The following PSD3 variants were observed in gnomAD, a reference collection of about 807,000 sequenced individuals.
PSD3 encodes the protein pleckstrin and Sec7 domain containing 3.
PSD3 carries 49 observed loss-of-function variants against 105.5 expected under a neutral mutation model. The observed-to-expected ratio is 0.46, with a 90% CI of 0.37 to 0.59. The LOEUF (loss-of-function observed/expected upper bound fraction) is 0.59, where lower values mean the gene tolerates loss of function less well. Among genes scored for constraint, PSD3 ranks in the 20% least tolerant of loss-of-function variants. The pLI, the probability that PSD3 is intolerant of heterozygous loss-of-function variation, is 0.00. For missense variants in PSD3, 1,561 were observed against 1,263.8 expected, an observed-to-expected ratio of 1.24 and a Z score of -3.57; for synonymous variants, 557 against 457.8, an observed-to-expected ratio of 1.22 and a Z score of -2.77.
At chr8:18,635,408 G>A (rs984054011) in intron 10 of PSD3, among the ~76,000 whole-genome samples, 1 of 151,984 alleles carries the variant, frequency 6.6e-6, no homozygotes, top group African/African-American at 2.4e-5. Context: ...TGTGGTCAAC[G>A]ATGGACAGCA....
intron 9 of PSD3, among the ~76,000 whole-genome samples, chr8:18,731,170 C>T (rs1161138422): frequency 2.0e-5 from 3 of 152,220 alleles, no homozygotes; most frequent in Non-Finnish European, 4.4e-5. Flanking sequence ...GCAGGAGAAT[C>T]GCTTGAACCC....
rs367873081 is a variant in PSD3, at chr8:18,765,995, G to GACAA, written c.2083-461_2083-458dup. On this transcript the variant is annotated intron_variant, in intron 8 of 15. Coordinates refer to ENST00000327040, the MANE Select transcript of PSD3 (RefSeq NM_015310.4). ...AAAAAAAAACCAAAAACAAAAAACA[G>GACAA]ACAAACAAACAAACAAATAACATAA... 7.7e-3 allele frequency among the ~76,000 whole-genome samples: 1,147 copies of GACAA among 149,512 alleles called. 15 individuals are homozygous for GACAA. The highest frequency in any genetic ancestry group is 0.027 in the African/African-American group (1,107 of 40,870).
intron 8 of PSD3, among the ~76,000 whole-genome samples, chr8:18,790,892 G>T (rs1025112206): frequency 3.6e-4 from 55 of 152,030 alleles, no homozygotes; most frequent in African/African-American, 1.3e-3. Context: ...AGGATACAAA[G>T]ATCAATGTGC....
At chr8:18,618,875 G>A (rs1448734686) in intron 11 of PSD3, among the ~76,000 whole-genome samples, 1 of 151,868 alleles carries the variant, frequency 6.6e-6, no homozygotes, top group Non-Finnish European at 1.5e-5. Flanking sequence ...TTGTAGAGAT[G>A]GGGTCTTAAT....
intron 1 of PSD3, among the ~76,000 whole-genome samples, chr8:18,977,010 T>C (rs1011451765): frequency 6.6e-6 from 1 of 152,040 alleles, no homozygotes; most frequent in East Asian, 1.9e-4. Flanking sequence ...TCTAACGGTA[T>C]GAGTGTGGTT....
intron 9 of PSD3, among the ~76,000 whole-genome samples, chr8:18,704,633 T>G (rs748070818): frequency 1.3e-4 from 20 of 152,152 alleles, no homozygotes; most frequent in Non-Finnish European, 2.2e-4. Flanking sequence ...AGCCACCATG[T>G]CTGGCCCCAA....
chr8:18,898,212 C>T (rs1389712759), intron 2 of PSD3, among the ~76,000 whole-genome samples: 1 of 151,946 alleles, frequency 6.6e-6, no homozygotes, highest in Admixed American at 6.6e-5. Context: ...GTTTAAGTGC[C>T]CAACTATTAC....
chr8:18,856,573 TCAATA>T (rs1403571391), intron 4 of PSD3, among the ~76,000 whole-genome samples: 9 of 152,246 alleles, frequency 5.9e-5, no homozygotes, highest in African/African-American at 1.9e-4. Flanking sequence ...TAGTAACTAT[TCAATA>T]CATCTTATTT....
intron 1 of PSD3, among the ~76,000 whole-genome samples, chr8:18,959,729 C>A (rs1293918023): frequency 6.6e-6 from 1 of 152,150 alleles, no homozygotes; most frequent in Non-Finnish European, 1.5e-5. Context: ...CAGACCTCCC[C>A]AGCCAGTCAC....
intron 4 of PSD3, among the ~76,000 whole-genome samples, chr8:18,857,207 G>C (rs544040880): frequency 2.0e-5 from 3 of 152,138 alleles, no homozygotes; most frequent in African/African-American, 7.2e-5. Context: ...CCCTGAGAAC[G>C]GGGACTGGCT....
At chr8:18,677,022 A>G (rs1489945211) in intron 9 of PSD3, among the ~76,000 whole-genome samples, 1 of 152,240 alleles carries the variant, frequency 6.6e-6, no homozygotes, top group African/African-American at 2.4e-5. Context: ...GTGATCGTAA[A>G]GATCTGCTAT....
intron 2 of PSD3, among the ~76,000 whole-genome samples, chr8:18,895,383 C>G (rs1008231400): frequency 6.6e-6 from 1 of 152,176 alleles, no homozygotes; most frequent in Non-Finnish European, 1.5e-5. Flanking sequence ...ACTTCAGAGT[C>G]ATCATATCTC....
chr8:19,002,943 CAAT>C (rs1826480652), intron 1 of PSD3, among the ~76,000 whole-genome samples: 1 of 151,946 alleles, frequency 6.6e-6, no homozygotes, highest in South Asian at 2.1e-4. Context: ...TTAAGAAGGG[CAAT>C]AATAATTCCA....
chr8:18,670,477 G>C (rs995012424), intron 9 of PSD3, among the ~76,000 whole-genome samples: 5 of 152,174 alleles, frequency 3.3e-5, no homozygotes, highest in African/African-American at 1.2e-4. Flanking sequence ...AGCGAGGCAG[G>C]TGGAATCTGG....
chr8:18,867,944 T>C lies in PSD3; in HGVS notation c.1364A>G (p.Tyr455Cys), dbSNP rs1323819230. 3.7e-6 allele frequency: 6 copies of C among 1,614,186 alleles called. No homozygotes were observed. In the South Asian group the frequency reaches 5.5e-5, roughly 15 times the overall value. The change falls in exon 4 of 16, where the codon TAC becomes TGC. Residue 455 changes from tyrosine to cysteine, a missense_variant. Transcript: ENST00000327040. ...FETILDNTSLYYSAESLETLY... is the reference protein window; with the variant it reads ...FETILDNTSLCYSAESLETLY... ...TGTCTCCAGGGACTCTGCACTGTAG[T>C]ATAAAGAAGTGTTGTCCAAAATGGT...
intron 1 of PSD3, among the ~76,000 whole-genome samples, chr8:19,077,880 G>C (rs946421727): frequency 6.6e-6 from 1 of 152,140 alleles, no homozygotes; most frequent in African/African-American, 2.4e-5. Flanking sequence ...CTGACTTCTG[G>C]AATACTGGGT....
chr8:18,987,119 G>A (rs1201648031), intron 1 of PSD3, among the ~76,000 whole-genome samples: 1 of 151,626 alleles, frequency 6.6e-6, no homozygotes, highest in Non-Finnish European at 1.5e-5. Flanking sequence ...CTAATAATTT[G>A]GTAAAACATT....
intron 4 of PSD3, among the ~76,000 whole-genome samples, chr8:18,857,367 T>C (rs1816098278): frequency 6.6e-6 from 1 of 152,162 alleles, no homozygotes. Flanking sequence ...GGGTGGTATC[T>C]GAGAGACACA....
chr8:18,985,742 A>C (rs985270733), intron 1 of PSD3, among the ~76,000 whole-genome samples: 4 of 152,296 alleles, frequency 2.6e-5, no homozygotes, highest in Admixed American at 1.3e-4. Context: ...TCAGTAAAAA[A>C]TCATTTTTTA....
Sources: gnomAD v4.1 joint callset for allele counts (sites outside exome capture counted in the v4.1 genomes callset) on GRCh38, gnomAD v4.1.1 for gene constraint, MANE v1.5 for transcripts, NCBI Gene and HGNC (gene_info 2026-07-23, HGNC 2026-07-21) for gene names.